MEI1: variants seen among roughly 807,000 people sequenced by gnomAD.
MEI1 encodes meiosis inhibitor protein 1.
Under a neutral mutation model 146.2 loss-of-function variants are expected in MEI1, and 103 were observed. The observed-to-expected ratio is 0.70, with a 90% CI of 0.60 to 0.83. The LOEUF is 0.83. Ranked by LOEUF, MEI1 falls within the 40% of genes least tolerant of loss-of-function variation. The pLI is 0.00. For missense variants in MEI1, 1,529 were observed against 1,533.0 expected (o/e 1.00, Z 0.04); for synonymous variants, 652 against 628.2 (o/e 1.04, Z -0.57).
At chr22:41,769,635 G>A (rs544674343) in intron 19 of MEI1, among the ~76,000 whole-genome samples, 2 of 151,874 alleles carry the variant, frequency 1.3e-5, no homozygotes, top group East Asian at 3.9e-4. Flanking sequence ...ATTATGCCCG[G>A]CAAATTTTTT....
chr22:41,787,245 ACAT>A (rs1427539218), intron 26 of MEI1, among the ~76,000 whole-genome samples: 1 of 152,206 alleles, frequency 6.6e-6, no homozygotes, highest in Admixed American at 6.5e-5. Flanking sequence ...TTGCTGGTAA[ACAT>A]CATAGTAGAA....
chr22:41,774,891 C>T (rs1251688476), intron 20 of MEI1, among the ~76,000 whole-genome samples: 1 of 152,146 alleles, frequency 6.6e-6, no homozygotes, highest in Non-Finnish European at 1.5e-5. Context: ...CTTAGACATC[C>T]CTGTGACCCC....
chr22:41,777,889 C>T (rs574298964), intron 21 of MEI1, among the ~76,000 whole-genome samples: 1 of 151,168 alleles, frequency 6.6e-6, no homozygotes, highest in South Asian at 2.1e-4. Flanking sequence ...TCCTTCCATC[C>T]ATCCTTCTTT....
intron 20 of MEI1, among the ~76,000 whole-genome samples, chr22:41,772,523 T>C (rs2075237175): frequency 6.6e-6 from 1 of 152,200 alleles, no homozygotes; most frequent in African/African-American, 2.4e-5. Context: ...TGTTTTATCA[T>C]GTTGCCCAAG....
At chr22:41,724,478 C>T (rs542234099) in intron 7 of MEI1, among the ~76,000 whole-genome samples, 4 of 152,138 alleles carry the variant, frequency 2.6e-5, no homozygotes, top group East Asian at 3.9e-4. Flanking sequence ...ATTAGCTGGG[C>T]GTGGTGGCAC....
chr22:41,714,951 CTT>C (rs1206835084), intron 4 of MEI1, among the ~76,000 whole-genome samples: 1 of 151,844 alleles, frequency 6.6e-6, no homozygotes, highest in Non-Finnish European at 1.5e-5. Flanking sequence ...ATCAGAATAA[CTT>C]TTTATTTAAT....
intron 15 of MEI1, among the ~76,000 whole-genome samples, chr22:41,751,209 T>C (rs567888060): frequency 6.6e-6 from 1 of 152,262 alleles, no homozygotes; most frequent in African/African-American, 2.4e-5. Context: ...TTGGTGCCCC[T>C]TCCTGGGAAA....
At chr22:41,776,060 T>C (rs780286598) in intron 20 of MEI1, 42 bp from the exon 21 acceptor site, 5 of 1,600,228 alleles carry the variant, frequency 3.1e-6, no homozygotes, top group Admixed American at 3.4e-5. Context: ...TTTCCCCAAC[T>C]GCAGTACCCT....
Position 41,776,227 on chromosome 22 carries a change from G to A in MEI1, c.2670G>A (p.Leu890=). ...TCCGAGGCCACTTCCTGCTGATCCT[G>A]CAGCGTCTGCTAGTGGAGCATGGGG... The part of the protein sequence containing the change: ...GLIRGHFLLI[L]QRLLVEHGAS... The change falls in exon 21 of 31, where the codon CTG becomes CTA. Residue 890 remains leucine (L), a synonymous_variant. Coordinates refer to ENST00000401548, the MANE Select transcript of MEI1 (RefSeq NM_152513.4). The A allele has an allele frequency of 4.3e-6, 7 of 1,613,904 alleles. No individual in the cohort carries two copies. Among genetic ancestry groups the A allele is most frequent in the Non-Finnish European group, 5.9e-6 (7 of 1,179,862 alleles).
rs761399981 is a variant in MEI1, at chr22:41,713,987, GT to G, written c.350-13del. ...GGGGTGCCTCCTGGTTAGTAATACTGTTGTGTCTGTTCAGTCCTTATTCAGA... is the reference window on the plus strand; with the variant it reads ...GGGGTGCCTCCTGGTTAGTAATACTGTGTGTCTGTTCAGTCCTTATTCAGA... On this transcript the variant is annotated splice_polypyrimidine_tract_variant and intron_variant, in intron 3 of 30. Transcript: ENST00000401548. The G allele has an allele frequency of 4.9e-5, 77 of 1,572,436 alleles. No individual in the cohort carries two copies. Among genetic ancestry groups the G allele is most frequent in the Admixed American group, 2.2e-4 (12 of 53,386 alleles).
chr22:41,756,737 G>A (rs1356541790), intron 17 of MEI1, among the ~76,000 whole-genome samples: 1 of 152,254 alleles, frequency 6.6e-6, no homozygotes, highest in Non-Finnish European at 1.5e-5. Flanking sequence ...GTTTCCCAAA[G>A]TGCTGGCATT....
chr22:41,719,277 G>A (rs928059656), intron 6 of MEI1, among the ~76,000 whole-genome samples: 16 of 151,998 alleles, frequency 1.1e-4, no homozygotes, highest in African/African-American at 3.1e-4. Context: ...CACCGCGCCC[G>A]GCCGGTTCAA....
At chr22:41,723,038 T>C (rs1341837972) in intron 6 of MEI1, among the ~76,000 whole-genome samples, 2 of 152,216 alleles carry the variant, frequency 1.3e-5, no homozygotes, top group Non-Finnish European at 2.9e-5. Context: ...CTGGAATACT[T>C]CTCCCCACTT....
intron 1 of MEI1, among the ~76,000 whole-genome samples, chr22:41,700,060 G>T (rs918777885): frequency 6.6e-6 from 1 of 152,208 alleles, no homozygotes; most frequent in African/African-American, 2.4e-5. Flanking sequence ...CATTTCCCGG[G>T]GATTCGGCCT....
At chr22:41,714,335 T>C (rs1346405306) in intron 4 of MEI1, among the ~76,000 whole-genome samples, 9 of 152,168 alleles carry the variant, frequency 5.9e-5, no homozygotes, top group Non-Finnish European at 1.2e-4. Flanking sequence ...GGCATAATCA[T>C]CCCATGGTTC....
chr22:41,767,621 A>G, intron 19 of MEI1: 1 of 455,346 alleles, frequency 2.2e-6, no homozygotes, highest in Non-Finnish European at 4.4e-6. Context: ...TGTTGAACAC[A>G]ACTCTATGCC....
intron 6 of MEI1, among the ~76,000 whole-genome samples, chr22:41,722,628 C>T (rs1308489956): frequency 6.6e-6 from 1 of 151,996 alleles, no homozygotes; most frequent in Non-Finnish European, 1.5e-5. Context: ...AGGAACACAC[C>T]ATACTCTCCT....
intron 11 of MEI1, among the ~76,000 whole-genome samples, chr22:41,735,406 G>T (rs144996011): frequency 6.6e-6 from 1 of 151,860 alleles, no homozygotes; most frequent in Non-Finnish European, 1.5e-5. Context: ...GGCTAATTTT[G>T]TATTTTTAGT....
chr22:41,754,080 T>C (rs2073944347), intron 17 of MEI1, 34 bp downstream of exon 17: 4 of 1,490,678 alleles, frequency 2.7e-6, no homozygotes, highest in Non-Finnish European at 3.7e-6. Flanking sequence ...TCATGTGGCC[T>C]GTGCTGGTCT....
Sources: gnomAD v4.1 joint callset for allele counts (sites outside exome capture counted in the v4.1 genomes callset) on GRCh38, gnomAD v4.1.1 for gene constraint, MANE v1.5 for transcripts, NCBI Gene and HGNC (gene_info 2026-07-23, HGNC 2026-07-21) for gene names.